ADAMTSL3: variants seen among roughly 807,000 people sequenced by gnomAD.
ADAMTSL3 encodes ADAMTS like 3.
A neutral mutation model predicts 201.7 loss-of-function variants in ADAMTSL3; 128 were observed. The observed-to-expected ratio is 0.63, with a 90% CI of 0.55 to 0.73. The LOEUF is 0.73. Ranked by LOEUF, ADAMTSL3 falls within the 30% of genes least tolerant of loss-of-function variation. The pLI is 0.00. For missense variants in ADAMTSL3, 1,990 were observed against 2,119.6 expected (o/e 0.94, Z 1.20); for synonymous variants, 738 against 748.4 (o/e 0.99, Z 0.23).
intron 2 of ADAMTSL3, among the ~76,000 whole-genome samples, chr15:83,667,413 A>C (rs1414821616): frequency 1.3e-5 from 2 of 152,172 alleles, no homozygotes; most frequent in Non-Finnish European, 2.9e-5. Context: ...GAGTAACAAA[A>C]GTTCCTTCTC....
chr15:83,706,541 G>T (rs1475197405), intron 3 of ADAMTSL3, among the ~76,000 whole-genome samples: 3 of 152,192 alleles, frequency 2.0e-5, no homozygotes, highest in Admixed American at 1.3e-4. Context: ...GAAAATAGGC[G>T]CTTGGACTAA....
At chr15:83,972,600 A>C (rs2067216486) in intron 20 of ADAMTSL3, among the ~76,000 whole-genome samples, 1 of 152,200 alleles carries the variant, frequency 6.6e-6, no homozygotes, top group African/African-American at 2.4e-5. Flanking sequence ...TTTGGCATGC[A>C]TTGAGGAGCA....
At chr15:83,951,286 G>C (rs545445681) in intron 19 of ADAMTSL3, among the ~76,000 whole-genome samples, 1 of 151,892 alleles carries the variant, frequency 6.6e-6, no homozygotes, top group Non-Finnish European at 1.5e-5. Flanking sequence ...ATATGGTTTT[G>C]TTCTTCATTC....
At chr15:83,819,202 C>T (rs865909340) in intron 5 of ADAMTSL3, among the ~76,000 whole-genome samples, 1 of 139,678 alleles carries the variant, frequency 7.2e-6, no homozygotes, top group Admixed American at 8.1e-5. Context: ...ACCTGGGAGG[C>T]GGAGGTTGCA....
chr15:83,916,771 C>T (rs1453925813), intron 16 of ADAMTSL3, among the ~76,000 whole-genome samples: 2 of 135,444 alleles, frequency 1.5e-5, no homozygotes, highest in Non-Finnish European at 3.1e-5. Context: ...CATAGCAAGA[C>T]CCAGTCTTTA....
intron 2 of ADAMTSL3, among the ~76,000 whole-genome samples, chr15:83,697,346 G>C (rs1008051843): frequency 3.3e-5 from 5 of 152,070 alleles, no homozygotes; most frequent in Non-Finnish European, 7.4e-5. Flanking sequence ...ACACCACTGG[G>C]TATCCTCTAT....
At chr15:83,998,254 G>C (rs1241932179) in intron 23 of ADAMTSL3, among the ~76,000 whole-genome samples, 1 of 152,140 alleles carries the variant, frequency 6.6e-6, no homozygotes, top group Non-Finnish European at 1.5e-5. Context: ...GGGTTGACCA[G>C]CCTGGCCAAC....
At chr15:83,880,218 C>A (rs988173735) in intron 9 of ADAMTSL3, among the ~76,000 whole-genome samples, 7 of 152,066 alleles carry the variant, frequency 4.6e-5, no homozygotes, top group African/African-American at 1.2e-4. Context: ...AGATTAACTT[C>A]TGTCCCAAGC....
chr15:83,964,682 G>C (rs1407038932), intron 19 of ADAMTSL3, among the ~76,000 whole-genome samples: 3 of 152,078 alleles, frequency 2.0e-5, no homozygotes, highest in Non-Finnish European at 4.4e-5. Context: ...ATACCACAAA[G>C]ATACTCCTCT....
chr15:83,660,291 C>G (rs1230037748), intron 2 of ADAMTSL3, among the ~76,000 whole-genome samples: 1 of 152,184 alleles, frequency 6.6e-6, no homozygotes, highest in African/African-American at 2.4e-5. Flanking sequence ...ATCCAAGTTC[C>G]CCCAGTTACC....
intron 7 of ADAMTSL3, among the ~76,000 whole-genome samples, chr15:83,851,020 C>T (rs753221168): frequency 5.9e-5 from 9 of 152,292 alleles, no homozygotes; most frequent in African/African-American, 1.4e-4. Context: ...TGCTGCTGGT[C>T]GGGCACATTC....
chr15:83,729,772 T>C (rs372234967), intron 3 of ADAMTSL3, among the ~76,000 whole-genome samples: 2 of 152,186 alleles, frequency 1.3e-5, no homozygotes, highest in East Asian at 3.9e-4. Context: ...TTATATACTT[T>C]GTTTGGTAAG....
At chr15:84,016,956 G>A (rs1356545801) in intron 25 of ADAMTSL3, among the ~76,000 whole-genome samples, 1 of 152,108 alleles carries the variant, frequency 6.6e-6, no homozygotes, top group Admixed American at 6.6e-5. Flanking sequence ...ATAAAACTCT[G>A]CAGAAGGCCA....
rs534971320 is a variant in ADAMTSL3, at chr15:83,655,744, C to T, written c.-18C>T. On this transcript the variant is annotated 5_prime_UTR_variant, in exon 2 of 30. Coordinates refer to ENST00000286744, the MANE Select transcript of ADAMTSL3 (RefSeq NM_207517.3). ...TCGTTTGTAGGCTACAACTGAGACC[C>T]GGAGGAGACTAGACCCCATGGCTTC... The T allele has an allele frequency of 1.4e-5, 22 of 1,613,568 alleles. No homozygotes were observed. The highest frequency in any genetic ancestry group is 1.7e-5 in the Admixed American group (1 of 59,986).
At chr15:83,684,445 T>C (rs2061511549) in intron 2 of ADAMTSL3, among the ~76,000 whole-genome samples, 1 of 152,172 alleles carries the variant, frequency 6.6e-6, no homozygotes, top group South Asian at 2.1e-4. Context: ...GGACTTGAAG[T>C]TCCAGCCACT....
At chr15:83,871,569 C>A (rs146178094) in intron 9 of ADAMTSL3, among the ~76,000 whole-genome samples, 1 of 152,094 alleles carries the variant, frequency 6.6e-6, no homozygotes, top group Non-Finnish European at 1.5e-5. Context: ...TGGGCTGATT[C>A]AAGATCAGGA....
chr15:84,013,238 G>A (rs1376768443), intron 23 of ADAMTSL3, among the ~76,000 whole-genome samples: 1 of 152,178 alleles, frequency 6.6e-6, no homozygotes, highest in Non-Finnish European at 1.5e-5. Flanking sequence ...TTCCTCAATT[G>A]TGAGATACAG....
At chr15:83,760,103 T>C (rs1405053285) in intron 3 of ADAMTSL3, among the ~76,000 whole-genome samples, 1 of 152,206 alleles carries the variant, frequency 6.6e-6, no homozygotes, top group Non-Finnish European at 1.5e-5. Context: ...TTGTATGTGT[T>C]GTCATTTTTC....
intron 6 of ADAMTSL3, among the ~76,000 whole-genome samples, chr15:83,821,583 C>G (rs1427016790): frequency 6.7e-6 from 1 of 149,490 alleles, no homozygotes; most frequent in African/African-American, 2.4e-5. Context: ...CAACAGGATC[C>G]CAAGGCAGAA....
Sources: gnomAD v4.1 joint callset for allele counts (sites outside exome capture counted in the v4.1 genomes callset) on GRCh38, gnomAD v4.1.1 for gene constraint, MANE v1.5 for transcripts, NCBI Gene and HGNC (gene_info 2026-07-23, HGNC 2026-07-21) for gene names.